The following USP6NL variants were observed in gnomAD, a reference collection of about 807,000 sequenced individuals.
USP6NL encodes USP6 N-terminal like.
Under a neutral mutation model 61.9 loss-of-function variants are expected in USP6NL, and 26 were observed. The observed-to-expected ratio is 0.42, with a 90% CI of 0.31 to 0.58. The LOEUF (loss-of-function observed/expected upper bound fraction) is 0.58. Ranked by LOEUF, USP6NL falls within the 20% of genes least tolerant of loss-of-function variation. USP6NL has a pLI of 0.16. For missense variants in USP6NL, 1,114 were observed against 1,034.3 expected, an observed-to-expected ratio of 1.08 and a Z score of -1.06; for synonymous variants, 432 against 390.1, an observed-to-expected ratio of 1.11 and a Z score of -1.27.
chr10:11,545,430 C>T (rs140414823), intron 2 of USP6NL, among the ~76,000 whole-genome samples: 124 of 152,346 alleles, frequency 8.1e-4, no homozygotes, highest in African/African-American at 2.6e-3. Flanking sequence ...AGCAGGGGTG[C>T]TGAGCAGAAA....
chr10:11,583,299 C>T (rs895505549), intron 2 of USP6NL, among the ~76,000 whole-genome samples: 4 of 148,332 alleles, frequency 2.7e-5, no homozygotes, highest in Admixed American at 2.0e-4. Context: ...CGCCATTCTC[C>T]GCCTCAGTCT....
rs747684344 is a variant in USP6NL, at chr10:11,489,073, T to C, written c.664+29A>G. On this transcript the variant is annotated intron_variant, in intron 10 of 14. Transcript: ENST00000609104. This position sits in a 1 kb window ranked among gnomAD's most constrained non-coding sequence, Gnocchi z 5.7. Reference sequence around the variant, plus strand: ...AATCTACTTTTTTCCCTACCTTGATTGTTTAGATAAAGCACAGGGTTTTCT... The same window carrying C: ...AATCTACTTTTTTCCCTACCTTGATCGTTTAGATAAAGCACAGGGTTTTCT... 1 of 1,608,844 alleles carries C rather than the reference T, an allele frequency of 6.2e-7. No homozygotes were observed. Among genetic ancestry groups the C allele is most frequent in the East Asian group, 2.2e-5 (1 of 44,806 alleles).
Position 11,483,991 on chromosome 10 carries a change from TTATAG to T in USP6NL, c.925+975_925+979del, listed in dbSNP as rs1328349108. Reference sequence around the variant, plus strand: ...TTTTCAAGTAAGCAACCAACCAATCTTATAGTAAAGTCCGTAACATGTACTTAGAA... The same window carrying T: ...TTTTCAAGTAAGCAACCAACCAATCTTAAAGTCCGTAACATGTACTTAGAA... On this transcript the variant is annotated intron_variant, in intron 13 of 14. Coordinates refer to ENST00000609104, the MANE Select transcript of USP6NL (RefSeq NM_014688.5). Among the ~76,000 whole-genome samples, 3 of 152,184 alleles carry T rather than the reference TTATAG, an allele frequency of 2.0e-5. No homozygotes were observed. In the East Asian group the frequency reaches 5.8e-4, roughly 29 times the overall value.
In USP6NL at chr10:11,518,564, G is replaced by C. The variant is rs776586345; in HGVS notation, c.166C>G (p.Leu56Val). ...TCCACAGCCACATTATGATCTGGGA[G>C]CTCCTCCTCACTGCAGAGGAAAAAC... is the stretch of plus-strand genomic sequence containing the variant. The part of the protein sequence containing the change: ...DRFGFLHEEE[L>V]PDHNVAVERQ... Residue 56 changes from leucine to valine, a missense_variant, in exon 5 of 15, where the codon CTC becomes GTC. Transcript: ENST00000609104. The surrounding 1 kb of genome is among the most constrained non-coding windows in gnomAD (Gnocchi z 5.3). The C allele has an allele frequency of 1.2e-6, 2 of 1,612,534 alleles. No individual in the cohort carries two copies. Among genetic ancestry groups the C allele is most frequent in the Non-Finnish European group, 1.7e-6 (2 of 1,179,358 alleles).
At chr10:11,475,151 A>T (rs552714272) in intron 14 of USP6NL, among the ~76,000 whole-genome samples, 1 of 152,356 alleles carries the variant, frequency 6.6e-6, no homozygotes, top group African/African-American at 2.4e-5. Flanking sequence ...AATAGAAGAC[A>T]GCATGGGGGA....
chr10:11,610,970 T>C (rs1205891660), intron 1 of USP6NL, among the ~76,000 whole-genome samples: 1 of 152,220 alleles, frequency 6.6e-6, no homozygotes, highest in East Asian at 1.9e-4. Context: ...TTCCAAGACT[T>C]GCAGATCTCT....
intron 2 of USP6NL, among the ~76,000 whole-genome samples, chr10:11,580,076 G>A (rs899056459): frequency 1.3e-5 from 2 of 148,850 alleles, no homozygotes; most frequent in African/African-American, 2.5e-5. Flanking sequence ...TACAATTTAC[G>A]TAACAGCCTC....
chr10:11,554,142 G>A (rs1003637223), intron 2 of USP6NL, among the ~76,000 whole-genome samples: 4 of 152,194 alleles, frequency 2.6e-5, no homozygotes, highest in Non-Finnish European at 5.9e-5. Context: ...GTGAAGGAAG[G>A]TGGGTGCAAG....
Position 11,474,932 on chromosome 10 carries a change from C to A in USP6NL, c.1078+6838G>T, listed in dbSNP as rs372366448. On this transcript the variant is annotated intron_variant, in intron 14 of 14. Coordinates refer to ENST00000609104, the MANE Select transcript of USP6NL (RefSeq NM_014688.5). The surrounding 1 kb of genome is among the most constrained non-coding windows in gnomAD (Gnocchi z 4.9). ...TACACTAAGGAGTGTGGATGTTCTC[C>A]CGTAAGCACTGAAGTACCCCGAAGG... Among the ~76,000 whole-genome samples the A allele has an allele frequency of 6.6e-6, 1 of 152,134 alleles. No individual in the cohort carries two copies. The highest frequency in any genetic ancestry group is 1.9e-4 in the East Asian group (1 of 5,196).
At position 11,522,372 on chromosome 10, in the gene USP6NL, T is replaced by TG. The variant is rs1209351220; in HGVS notation, c.155+3013dup. Among the ~76,000 whole-genome samples, 17 of 152,166 alleles carry TG rather than the reference T, an allele frequency of 1.1e-4. 1 individual carries two copies. The highest frequency in any genetic ancestry group is 1.1e-3 in the Admixed American group (17 of 15,268). Reference sequence around the variant, plus strand: ...AAAAAATGCTCTTTTGATCAAGGTGTGACAGGGAATAATATCTACATGCTT... The same window carrying TG: ...AAAAAATGCTCTTTTGATCAAGGTGTGGACAGGGAATAATATCTACATGCTT... On this transcript the variant is annotated intron_variant, in intron 4 of 14. Transcript: ENST00000609104.
chr10:11,466,090 T>A (rs1320936796), intron 14 of USP6NL, among the ~76,000 whole-genome samples: 1 of 152,240 alleles, frequency 6.6e-6, no homozygotes, highest in Non-Finnish European at 1.5e-5. Context: ...TGCAGATTTC[T>A]GTATGCAATT....
At chr10:11,467,980 CCAGA>C (rs1205065587) in intron 14 of USP6NL, among the ~76,000 whole-genome samples, 3 of 152,150 alleles carry the variant, frequency 2.0e-5, no homozygotes, top group Non-Finnish European at 4.4e-5. Context: ...TAAGACTTTG[CCAGA>C]CACTTTACTT....
Position 11,525,799 on chromosome 10 carries a change from C to T in USP6NL, c.73-331G>A, listed in dbSNP as rs1234013357. Reference sequence around the variant, plus strand: ...GATGAGAAAGCCACTCCAGAAGAAACTGCCGAACCTTACAGTTCTAGACCA... The same window carrying T: ...GATGAGAAAGCCACTCCAGAAGAAATTGCCGAACCTTACAGTTCTAGACCA... On this transcript the variant is annotated intron_variant, in intron 3 of 14. Transcript: ENST00000609104. The surrounding 1 kb of genome is among the most constrained non-coding windows in gnomAD (Gnocchi z 5.0). Among the ~76,000 whole-genome samples, 1 of 152,214 alleles carries T rather than the reference C, an allele frequency of 6.6e-6. No homozygotes were observed. The highest frequency in any genetic ancestry group is 1.5e-5 in the Non-Finnish European group (1 of 68,042).
chr10:11,599,860 G>C (rs1008499123), intron 1 of USP6NL, among the ~76,000 whole-genome samples: 3 of 151,302 alleles, frequency 2.0e-5, no homozygotes, highest in Admixed American at 1.3e-4. Flanking sequence ...AGCATTTCAC[G>C]GTGTTAGCCA....
chr10:11,550,291 C>A (rs963325536), intron 2 of USP6NL, among the ~76,000 whole-genome samples: 3 of 151,994 alleles, frequency 2.0e-5, no homozygotes, highest in Non-Finnish European at 2.9e-5. Context: ...AAATTAAAAC[C>A]TCTTGCTCTT....
intron 2 of USP6NL, among the ~76,000 whole-genome samples, chr10:11,582,769 T>C (rs888149710): frequency 6.6e-6 from 1 of 152,026 alleles, no homozygotes; most frequent in Non-Finnish European, 1.5e-5. Flanking sequence ...TGTAGCTCAG[T>C]GGACACTATC....
chr10:11,574,079 TCA>T lies in USP6NL; in HGVS notation c.4+23550_4+23551del, dbSNP rs1837458979. On this transcript the variant is annotated intron_variant, in intron 2 of 14. Coordinates refer to ENST00000609104, the MANE Select transcript of USP6NL (RefSeq NM_014688.5). This position sits in a 1 kb window ranked among gnomAD's most constrained non-coding sequence, Gnocchi z 4.3. ...AAATAAAGTGCTCTGCTATAAATTT[TCA>T]CAGTGCATCACAGATGCTATGTGCA... Among the ~76,000 whole-genome samples, 2 of 152,236 alleles carry T rather than the reference TCA, an allele frequency of 1.3e-5. No individual in the cohort carries two copies. Among genetic ancestry groups the T allele is most frequent in the South Asian group, 4.1e-4 (2 of 4,828 alleles).
chr10:11,534,639 A>G (rs1238678065), intron 2 of USP6NL, among the ~76,000 whole-genome samples: 1 of 152,234 alleles, frequency 6.6e-6, no homozygotes, highest in African/African-American at 2.4e-5. Context: ...GAGTGAGAAA[A>G]GTCAGTCTGA....
At position 11,592,233 on chromosome 10, in the gene USP6NL, G is replaced by C. The variant is rs1838178831; in HGVS notation, c.4+5398C>G. The stretch of plus-strand genomic sequence containing the variant: ...AGAAGATAAATTAGCTAAAAGCACA[G>C]TATATTCCACTTTAAATAGTGTTAA... On this transcript the variant is annotated intron_variant, in intron 2 of 14. Coordinates refer to ENST00000609104, the MANE Select transcript of USP6NL (RefSeq NM_014688.5). This position sits in a 1 kb window ranked among gnomAD's most constrained non-coding sequence, Gnocchi z 4.7. 6.6e-6 allele frequency among the ~76,000 whole-genome samples: 1 copy of C among 152,186 alleles called. No individual in the cohort carries two copies. The highest frequency in any genetic ancestry group is 6.5e-5 in the Admixed American group (1 of 15,274).
Sources: allele counts gnomAD v4.1 joint callset (sites outside exome capture counted in the v4.1 genomes callset), GRCh38; gene constraint gnomAD v4.1.1; non-coding constraint Gnocchi (gnomAD v3.1); transcripts MANE v1.5; gene names NCBI Gene and HGNC (gene_info 2026-07-23, HGNC 2026-07-21).